Variants in EDEM3 observed in about 807,000 individuals in gnomAD.
EDEM3 encodes ER degradation-enhancing alpha-mannosidase-like protein 3.
Under a neutral mutation model 110.2 loss-of-function variants are expected in EDEM3, and 60 were observed. The ratio of observed to expected loss-of-function variants is 0.54; its 90% CI spans 0.44 to 0.67. EDEM3 has a LOEUF of 0.67. Ranked by LOEUF, EDEM3 falls within the 30% of genes least tolerant of loss-of-function variation. The pLI is 0.00. For synonymous variants in EDEM3, 352 were observed against 382.9 expected, an observed-to-expected ratio of 0.92 and a Z score of 0.94; for missense variants, 996 against 1,121.0, an observed-to-expected ratio of 0.89 and a Z score of 1.59.
chr1:184,740,867 A>G (rs1652097933), intron 2 of EDEM3, among the ~76,000 whole-genome samples: 1 of 152,198 alleles, frequency 6.6e-6, no homozygotes, highest in South Asian at 2.1e-4. Context: ...AAGGTTGAAG[A>G]TGTCACAGAA....
At chr1:184,708,540 C>T (rs1459524115) in intron 16 of EDEM3, among the ~76,000 whole-genome samples, 196 bp from the exon 17 acceptor site, 1 of 152,104 alleles carries the variant, frequency 6.6e-6, no homozygotes, top group African/African-American at 2.4e-5. Flanking sequence ...AATAACTTAT[C>T]CGTATTTTTT....
At chr1:184,704,076 A>G (rs1649777379) in intron 18 of EDEM3, among the ~76,000 whole-genome samples, 1 of 152,210 alleles carries the variant, frequency 6.6e-6, no homozygotes, top group Admixed American at 6.5e-5. Flanking sequence ...GGTGATTTTT[A>G]GTTCCCACTT....
rs1389961737 is a variant in EDEM3 at position 184,711,775 on chromosome 1, C to G, written c.1639G>C (p.Glu547Gln). ...NDPLYAQSIR[E>Q]PLKNVVDKSC... ...TTATCCACCACATTTTTCAAGGGCT[C>G]ACGAATACTTTGAGCATACAATGGG... Residue 547 changes from glutamate (E) to glutamine (Q), a missense_variant, in exon 15 of 20, where the codon GAG becomes CAG. Glu to Gln is a conservative substitution (Grantham distance 29). Transcript: ENST00000318130. The G allele has an allele frequency of 3.7e-6, 6 of 1,613,288 alleles. No homozygotes were observed. Among genetic ancestry groups the G allele is most frequent in the Non-Finnish European group, 5.1e-6 (6 of 1,179,624 alleles).
chr1:184,696,161 CA>C (rs1267069820), intron 19 of EDEM3, among the ~76,000 whole-genome samples: 1 of 151,902 alleles, frequency 6.6e-6, no homozygotes, highest in Admixed American at 6.6e-5. Context: ...AGAGTAGAGA[CA>C]GGGGTCCTCA....
At chr1:184,748,811 C>A (rs1168638111) in intron 2 of EDEM3, among the ~76,000 whole-genome samples, 1 of 152,154 alleles carries the variant, frequency 6.6e-6, no homozygotes, top group Admixed American at 6.5e-5. Context: ...GCCAAACTTT[C>A]CCAACTACAT....
intron 3 of EDEM3, 86 bp from the exon 4 acceptor site, chr1:184,737,150 G>T: frequency 8.7e-7 from 1 of 1,149,088 alleles, no homozygotes; most frequent in Non-Finnish European, 1.3e-6. Flanking sequence ...ACATTCTATT[G>T]ACTGGTAGTT....
chr1:184,736,338 T>G (rs745791843), intron 4 of EDEM3, among the ~76,000 whole-genome samples: 5 of 152,196 alleles, frequency 3.3e-5, no homozygotes, highest in Non-Finnish European at 7.4e-5. Context: ...CAAAGGTTTT[T>G]TGTTTTGTTT....
chr1:184,732,918 A>C lies in EDEM3; in HGVS notation c.531T>G (p.Asp177Glu). ...ACTGCTTTGCCATTTGGAGAAGTTC[A>C]TCATTGTACCACTGCATATATTCAC... ...EKGEYMQWYN[D>E]ELLQMAKQLG... Residue 177 changes from aspartate (D) to glutamate (E), a missense_variant, in exon 6 of 20, where the codon GAT (aspartate) becomes GAG (glutamate). Transcript: ENST00000318130. The C allele has an allele frequency of 1.9e-6, 3 of 1,614,136 alleles. No homozygotes were observed. The highest frequency in any genetic ancestry group is 2.5e-6 in the Non-Finnish European group (3 of 1,179,992).
chr1:184,749,523 G>A (rs757622711), intron 2 of EDEM3, 24 bp downstream of exon 2: 4 of 1,510,906 alleles, frequency 2.6e-6, no homozygotes, highest in East Asian at 2.3e-5. Context: ...ATAAATGGTA[G>A]GTAAAGATAA....
chr1:184,702,542 T>A (rs1649682361), intron 19 of EDEM3, among the ~76,000 whole-genome samples: 1 of 152,210 alleles, frequency 6.6e-6, no homozygotes, highest in African/African-American at 2.4e-5. Context: ...CTCTTGTATT[T>A]TTATCACCTG....
At chr1:184,738,942 C>T (rs1651981214) in intron 2 of EDEM3, among the ~76,000 whole-genome samples, 1 of 152,068 alleles carries the variant, frequency 6.6e-6, no homozygotes, top group Non-Finnish European at 1.5e-5. Context: ...TACCCTGAAC[C>T]TCTGAAAATA....
intron 12 of EDEM3, 43 bp from the exon 13 acceptor site, chr1:184,717,055 T>C: frequency 2.1e-6 from 3 of 1,454,230 alleles, no homozygotes; most frequent in Non-Finnish European, 2.8e-6. Context: ...ATAGCTTATA[T>C]ATTACCACAT....
rs201235401 is a variant in EDEM3 at position 184,734,592 on chromosome 1, C to T, written c.397G>A (p.Asp133Asn). 33 of 1,554,364 alleles carry T rather than the reference C, an allele frequency of 2.1e-5. No homozygotes were observed. The highest frequency in any genetic ancestry group is 2.6e-6 in the Non-Finnish European group (3 of 1,148,216). Reference protein sequence around the residue: ...FEDAVRKVLRDVNLDNDVVVS... With the variant: ...FEDAVRKVLRNVNLDNDVVVS... ...ACTACATCGTTATCTAAATTAACAT[C>T]TCTTAAAACTTTTCTCACTGCATCT... The change falls in exon 5 of 20, where the codon GAT (aspartate) becomes AAT (asparagine). Residue 133 changes from aspartate to asparagine, a missense_variant. Physicochemically the swap from Asp to Asn is conservative, Grantham distance 23 (BLOSUM62 1). Around this residue, in one of 5 missense-constraint regions of EDEM3, gnomAD observed 200 missense variants for 183.8 expected, o/e 1.09. Transcript: ENST00000318130.
At position 184,752,543 on chromosome 1, in the gene EDEM3, T is replaced by C. The variant is rs187384840; in HGVS notation, c.158+1946A>G. Among the ~76,000 whole-genome samples the C allele has an allele frequency of 2.6e-5, 4 of 152,348 alleles. No homozygotes were observed. The East Asian group carries it at 7.7e-4, about 29-fold the overall frequency. On this transcript the variant is annotated intron_variant, in intron 1 of 19. Coordinates refer to ENST00000318130, the MANE Select transcript of EDEM3 (RefSeq NM_025191.4). The stretch of plus-strand genomic sequence containing the variant: ...ATAATTGTAATTTCACTTTCATAAA[T>C]GATCTCAAAATTTGAGCTGAAATTT...
intron 2 of EDEM3, among the ~76,000 whole-genome samples, chr1:184,747,033 A>AC (rs1652469243): frequency 6.6e-6 from 1 of 151,598 alleles, no homozygotes; most frequent in African/African-American, 2.4e-5. Context: ...AAAAAAAAAA[A>AC]CATTATTTTA....
chr1:184,724,763 T>C (rs1651101833), intron 7 of EDEM3, among the ~76,000 whole-genome samples: 1 of 152,158 alleles, frequency 6.6e-6, no homozygotes, highest in African/African-American at 2.4e-5. Context: ...GCCAGGAAAC[T>C]TCAAAAAGAT....
chr1:184,695,169 GT>G (rs1649264011), intron 19 of EDEM3, among the ~76,000 whole-genome samples: 1 of 151,956 alleles, frequency 6.6e-6, no homozygotes, highest in Non-Finnish European at 1.5e-5. Flanking sequence ...TTTATTTAGG[GT>G]TCCTACAAGA....
At chr1:184,706,581 G>C in intron 18 of EDEM3, 62 bp downstream of exon 18, 3 of 1,412,640 alleles carry the variant, frequency 2.1e-6, no homozygotes, top group Admixed American at 2.4e-5. Flanking sequence ...GAAAATAAAA[G>C]GGAAAAAATC....
chr1:184,726,962 A>C (rs976647017), intron 6 of EDEM3, among the ~76,000 whole-genome samples: 3 of 152,216 alleles, frequency 2.0e-5, no homozygotes, highest in African/African-American at 7.2e-5. Flanking sequence ...ACACAAGGGA[A>C]ATTTTTTCAA....
Sources: allele counts gnomAD v4.1 joint callset (sites outside exome capture counted in the v4.1 genomes callset), GRCh38; gene constraint gnomAD v4.1.1; regional missense constraint gnomAD v4.1.1; transcripts MANE v1.5; gene names NCBI Gene and HGNC (gene_info 2026-07-23, HGNC 2026-07-21).